LTBP1: variants seen among roughly 807,000 people sequenced by gnomAD.
LTBP1 encodes the protein latent-transforming growth factor beta-binding protein 1.
In LTBP1, 129 loss-of-function variants were observed where a neutral mutation model predicts 207.6. The ratio of observed to expected loss-of-function variants is 0.62; its 90% confidence interval spans 0.54 to 0.72. The LOEUF is 0.72. Among genes scored for constraint, LTBP1 ranks in the 30% least tolerant of loss-of-function variants. LTBP1 has a pLI of 0.00. For synonymous variants in LTBP1, 963 were observed against 833.7 expected, an observed-to-expected ratio of 1.16 and a Z score of -2.67; for missense variants, 2,281 against 2,217.2, an observed-to-expected ratio of 1.03 and a Z score of -0.58.
chr2:33,352,761 A>G (rs945211911), intron 26 of LTBP1, among the ~76,000 whole-genome samples: 1 of 152,184 alleles, frequency 6.6e-6, no homozygotes, highest in Non-Finnish European at 1.5e-5. Flanking sequence ...GCTTTATAGC[A>G]TGAAGTCCAA....
At chr2:33,105,447 T>G (rs2080009969) in intron 3 of LTBP1, among the ~76,000 whole-genome samples, 1 of 152,058 alleles carries the variant, frequency 6.6e-6, no homozygotes, top group Admixed American at 6.5e-5. Flanking sequence ...TCTGCTTTTT[T>G]TTTTTTTGAG....
At chr2:32,984,914 A>G (rs1683309808) in intron 2 of LTBP1, among the ~76,000 whole-genome samples, 1 of 151,750 alleles carries the variant, frequency 6.6e-6, no homozygotes, top group Admixed American at 6.6e-5. Context: ...CTGGGCGAGA[A>G]GAGTGAGACT....
chr2:33,343,436 G>T (rs976861122), intron 25 of LTBP1, among the ~76,000 whole-genome samples: 5 of 150,098 alleles, frequency 3.3e-5, no homozygotes, highest in Non-Finnish European at 7.4e-5. Context: ...AAATCCTATG[G>T]CTTCTGAAAT....
At chr2:33,099,645 G>A (rs1012872078) in intron 3 of LTBP1, among the ~76,000 whole-genome samples, 4 of 152,122 alleles carry the variant, frequency 2.6e-5, no homozygotes, top group Admixed American at 6.6e-5. Flanking sequence ...TCAGCGGCAC[G>A]GGCAGATGGA....
intron 5 of LTBP1, among the ~76,000 whole-genome samples, chr2:33,141,717 A>G (rs2082657040): frequency 6.6e-6 from 1 of 152,128 alleles, no homozygotes; most frequent in South Asian, 2.1e-4. Context: ...TTGTGAGGAA[A>G]CATCGCTTAC....
At chr2:32,987,280 A>G (rs977009636) in intron 2 of LTBP1, among the ~76,000 whole-genome samples, 2 of 152,062 alleles carry the variant, frequency 1.3e-5, no homozygotes, top group African/African-American at 4.8e-5. Flanking sequence ...GGAACGGTGA[A>G]GTGGGGATGA....
At chr2:33,087,084 C>CCTTTTT (rs1323005803) in intron 3 of LTBP1, among the ~76,000 whole-genome samples, 1 of 89,026 alleles carries the variant, frequency 1.1e-5, no homozygotes, top group Non-Finnish European at 2.1e-5. Flanking sequence ...CTCCTTTATG[C>CCTTTTT]TTTTTTTTTT....
intron 18 of LTBP1, among the ~76,000 whole-genome samples, 162 bp downstream of exon 18, chr2:33,276,085 T>G (rs951354414): frequency 9.3e-5 from 14 of 150,602 alleles, no homozygotes; most frequent in African/African-American, 2.9e-4. Context: ...TTCCTTTCAC[T>G]GGCTCTTTTG....
chr2:33,140,683 T>C (rs2082578851), intron 5 of LTBP1, among the ~76,000 whole-genome samples: 2 of 151,076 alleles, frequency 1.3e-5, no homozygotes. Context: ...TTTTTTTTTT[T>C]TGAGATAGAG....
chr2:33,122,347 T>G (rs1380610618), intron 4 of LTBP1, among the ~76,000 whole-genome samples: 1 of 152,172 alleles, frequency 6.6e-6, no homozygotes, highest in Non-Finnish European at 1.5e-5. Flanking sequence ...TCATTAGTCT[T>G]AGAACAGATG....
At chr2:33,123,341 C>A (rs2081257149) in intron 4 of LTBP1, among the ~76,000 whole-genome samples, 1 of 152,020 alleles carries the variant, frequency 6.6e-6, no homozygotes, top group South Asian at 2.1e-4. Flanking sequence ...GATTGGGAAA[C>A]CTTTTCAGTA....
intron 24 of LTBP1, among the ~76,000 whole-genome samples, chr2:33,336,295 C>G (rs1387840037): frequency 6.6e-6 from 1 of 152,176 alleles, no homozygotes; most frequent in Non-Finnish European, 1.5e-5. Context: ...CTAGGACTAA[C>G]CTTTTTTAAC....
At chr2:33,335,332 G>T (rs1344291645) in intron 24 of LTBP1, among the ~76,000 whole-genome samples, 1 of 146,146 alleles carries the variant, frequency 6.8e-6, no homozygotes. Flanking sequence ...CAAGGTCCCC[G>T]TGTTTTTTTC....
chr2:33,319,363 A>G lies in LTBP1; in HGVS notation c.3730+4094A>G, dbSNP rs949973809. Among the ~76,000 whole-genome samples, 23 of 151,408 alleles carry G rather than the reference A, an allele frequency of 1.5e-4. 1 individual carries two copies. The highest frequency in any genetic ancestry group is 1.4e-3 in the Admixed American group (22 of 15,202). On this transcript the variant is annotated intron_variant, in intron 24 of 33. Coordinates refer to ENST00000404816, the MANE Select transcript of LTBP1 (RefSeq NM_206943.4). ...TAGTGAGCCGAGATTGCGCCATTGCACTCCAGCCTGGGCAACAAGAGTGAA... is the reference window on the plus strand; with the variant it reads ...TAGTGAGCCGAGATTGCGCCATTGCGCTCCAGCCTGGGCAACAAGAGTGAA...
At chr2:33,206,228 G>T (rs1183626825) in intron 7 of LTBP1, among the ~76,000 whole-genome samples, 1 of 152,130 alleles carries the variant, frequency 6.6e-6, no homozygotes, top group African/African-American at 2.4e-5. Flanking sequence ...GTGGCTTTCA[G>T]TTTTTCTACA....
At chr2:33,360,179 A>G (rs1288563094) in intron 26 of LTBP1, among the ~76,000 whole-genome samples, 1 of 152,174 alleles carries the variant, frequency 6.6e-6, no homozygotes, top group Non-Finnish European at 1.5e-5. Flanking sequence ...TCCAATAACT[A>G]CCTAAGGGTT....
chr2:33,383,820 A>G (rs966772268), intron 31 of LTBP1, among the ~76,000 whole-genome samples: 3 of 152,326 alleles, frequency 2.0e-5, no homozygotes, highest in African/African-American at 4.8e-5. Context: ...TACAGGCGTG[A>G]GCCACTGCGC....
At chr2:33,387,747 T>TG (rs1389608603) in intron 31 of LTBP1, among the ~76,000 whole-genome samples, 1 of 151,756 alleles carries the variant, frequency 6.6e-6, no homozygotes, top group Non-Finnish European at 1.5e-5. Context: ...TTTTTTTTTT[T>TG]TGTATGTTGC....
chr2:33,262,908 A>C lies in LTBP1; in HGVS notation c.2518+87A>C. On this transcript the variant is annotated intron_variant, in intron 14 of 33. Transcript: ENST00000404816. ...ATTTTTGTCTTTGACTTTGTGTAGT[A>C]AATTACTAGACTTCATAACTGAAGT... 4.8e-6 allele frequency: 4 copies of C among 827,118 alleles called. No individual in the cohort carries two copies. The South Asian group carries it at 7.1e-5, about 15-fold the overall frequency. 51.2% of individuals were successfully genotyped at this position (827,118 alleles called of 1,614,324 possible). A position where few individuals can be genotyped will look rare whatever the true frequency, so the allele number is the denominator to read the frequency against.
Sources: gnomAD v4.1 joint callset for allele counts (sites outside exome capture counted in the v4.1 genomes callset) on GRCh38, gnomAD v4.1.1 for gene constraint, MANE v1.5 for transcripts, NCBI Gene and HGNC (gene_info 2026-07-23, HGNC 2026-07-21) for gene names.